The following PTPRN2 variants were observed in gnomAD, a reference collection of about 807,000 sequenced individuals.
PTPRN2 encodes the protein protein tyrosine phosphatase receptor type N2.
Under a neutral mutation model 118.8 loss-of-function variants are expected in PTPRN2, and 74 were observed. The ratio of observed to expected loss-of-function variants is 0.62; its 90% confidence interval spans 0.52 to 0.76. The LOEUF (loss-of-function observed/expected upper bound fraction) is 0.76, where lower values mean the gene tolerates loss of function less well. Among genes scored for constraint, PTPRN2 ranks in the 30% least tolerant of loss-of-function variants. PTPRN2 has a pLI of 0.00. For missense variants in PTPRN2, 1,481 were observed against 1,394.4 expected (o/e 1.06, Z -0.99); for synonymous variants, 641 against 608.0 (o/e 1.05, Z -0.80).
rs1810878087 is a variant in PTPRN2 at position 158,380,388 on chromosome 7, A to G, written c.164-63456T>C. 2.0e-5 allele frequency among the ~76,000 whole-genome samples: 3 copies of G among 152,206 alleles called. No homozygotes were observed. In the South Asian group the frequency reaches 6.2e-4, roughly 32 times the overall value. On this transcript the variant is annotated intron_variant, in intron 2 of 22. Coordinates refer to ENST00000389418, the MANE Select transcript of PTPRN2 (RefSeq NM_002847.5). Reference sequence around the variant, plus strand: ...CCAAATGGGAGAACTTGGCCAAAACAAAGAGGCTACAGGCCCCACGCAAGT... The same window carrying G: ...CCAAATGGGAGAACTTGGCCAAAACGAAGAGGCTACAGGCCCCACGCAAGT...
intron 3 of PTPRN2, among the ~76,000 whole-genome samples, chr7:158,263,451 G>A (rs1170494888): frequency 3.3e-5 from 5 of 152,106 alleles, no homozygotes; most frequent in African/African-American, 1.2e-4. Context: ...CACACACACA[G>A]CCATCTTCTC....
At chr7:158,279,142 T>G (rs1472578189) in intron 3 of PTPRN2, among the ~76,000 whole-genome samples, 2 of 152,224 alleles carry the variant, frequency 1.3e-5, no homozygotes, top group African/African-American at 4.8e-5. Context: ...CCTGCTTTTA[T>G]CCCCATATCT....
At chr7:157,791,956 C>A (rs1804533321) in intron 12 of PTPRN2, among the ~76,000 whole-genome samples, 1 of 152,244 alleles carries the variant, frequency 6.6e-6, no homozygotes, top group Non-Finnish European at 1.5e-5. Context: ...TTCCTGCCGA[C>A]CAGGCCTCCA....
intron 12 of PTPRN2, among the ~76,000 whole-genome samples, chr7:157,737,033 A>G (rs1201264516): frequency 6.6e-6 from 1 of 152,202 alleles, no homozygotes; most frequent in African/African-American, 2.4e-5. Flanking sequence ...GCATCTTCTC[A>G]GTAAGAAGAA....
At chr7:158,231,363 G>C (rs969113748) in intron 3 of PTPRN2, among the ~76,000 whole-genome samples, 3 of 152,080 alleles carry the variant, frequency 2.0e-5, no homozygotes, top group Admixed American at 6.5e-5. Flanking sequence ...GTCAAAGACT[G>C]CAAAAAGCAA....
At chr7:157,945,658 C>T (rs982409493) in intron 11 of PTPRN2, among the ~76,000 whole-genome samples, 4 of 151,262 alleles carry the variant, frequency 2.6e-5, no homozygotes, top group Middle Eastern at 3.4e-3. Context: ...CAGACGATGC[C>T]GCCTCCAGCT....
chr7:157,957,674 C>T (rs1219225199), intron 11 of PTPRN2, among the ~76,000 whole-genome samples: 4 of 152,150 alleles, frequency 2.6e-5, no homozygotes, highest in African/African-American at 7.2e-5. Flanking sequence ...CCTAGAAATA[C>T]GCAACCTACT....
At chr7:158,417,616 C>A (rs1406271369) in intron 2 of PTPRN2, among the ~76,000 whole-genome samples, 3 of 151,240 alleles carry the variant, frequency 2.0e-5, no homozygotes, top group East Asian at 3.9e-4. Context: ...CAGTGTCCCA[C>A]TGTGTTAAGT....
At chr7:157,630,347 T>A (rs1277815588) in intron 14 of PTPRN2, among the ~76,000 whole-genome samples, 1 of 152,158 alleles carries the variant, frequency 6.6e-6, no homozygotes, top group Non-Finnish European at 1.5e-5. Flanking sequence ...CAGAAGATAG[T>A]TTCACTATTT....
intron 1 of PTPRN2, among the ~76,000 whole-genome samples, chr7:158,564,488 TGTGC>T (rs1827560007): frequency 6.6e-6 from 1 of 152,242 alleles, no homozygotes; most frequent in African/African-American, 2.4e-5. Context: ...CAAGGCCAGC[TGTGC>T]GGCTGCCATC....
At chr7:158,152,813 C>T (rs940874710) in intron 6 of PTPRN2, among the ~76,000 whole-genome samples, 4 of 151,554 alleles carry the variant, frequency 2.6e-5, no homozygotes, top group African/African-American at 7.3e-5. Context: ...AGCAGGCCAC[C>T]GACTGGTGGG....
chr7:157,692,775 G>C (rs1480510715), intron 12 of PTPRN2, among the ~76,000 whole-genome samples: 2 of 152,120 alleles, frequency 1.3e-5, no homozygotes, highest in Non-Finnish European at 2.9e-5. Flanking sequence ...CAGTAGGCGG[G>C]GACGGGGTAC....
At chr7:158,195,191 T>C (rs1452251531) in intron 4 of PTPRN2, among the ~76,000 whole-genome samples, 3 of 152,248 alleles carry the variant, frequency 2.0e-5, no homozygotes, top group Non-Finnish European at 2.9e-5. Context: ...TACCTTTGTA[T>C]CTGAAGGATA....
At chr7:158,151,115 C>CGTCT (rs1821026965) in intron 6 of PTPRN2, among the ~76,000 whole-genome samples, 1 of 26,992 alleles carries the variant, frequency 3.7e-5, no homozygotes, top group Admixed American at 4.6e-4. Flanking sequence ...TCTGCTCCTA[C>CGTCT]CCCTGCCCAC....
chr7:158,300,586 G>A (rs1177366574), intron 3 of PTPRN2, among the ~76,000 whole-genome samples: 1 of 152,224 alleles, frequency 6.6e-6, no homozygotes, highest in African/African-American at 2.4e-5. Context: ...GTCCCGCAGC[G>A]CCTCGCCCCC....
At chr7:158,522,732 G>A (rs1824300494) in intron 1 of PTPRN2, among the ~76,000 whole-genome samples, 1 of 152,182 alleles carries the variant, frequency 6.6e-6, no homozygotes, top group Non-Finnish European at 1.5e-5. Context: ...CCAGCCCAGG[G>A]GTTGGCACAG....
chr7:158,053,673 G>C (rs1809500040), intron 11 of PTPRN2, among the ~76,000 whole-genome samples: 1 of 151,046 alleles, frequency 6.6e-6, no homozygotes, highest in Non-Finnish European at 1.5e-5. Context: ...AATAAGCTGT[G>C]GGACAGCCGC....
intron 6 of PTPRN2, among the ~76,000 whole-genome samples, chr7:158,157,373 A>G (rs1316671817): frequency 2.0e-5 from 3 of 152,276 alleles, no homozygotes; most frequent in African/African-American, 7.2e-5. Flanking sequence ...TTACAGCAGC[A>G]TGGACCTGGC....
At chr7:158,117,762 T>C (rs1563458223) in intron 9 of PTPRN2, among the ~76,000 whole-genome samples, 1 of 148,626 alleles carries the variant, frequency 6.7e-6, no homozygotes, top group Non-Finnish European at 1.5e-5. Flanking sequence ...AACCAATATA[T>C]TCCAAGTGCT....
Sources: allele counts gnomAD v4.1 joint callset (sites outside exome capture counted in the v4.1 genomes callset), GRCh38; gene constraint gnomAD v4.1.1; transcripts MANE v1.5; gene names NCBI Gene and HGNC (gene_info 2026-07-23, HGNC 2026-07-21).